The following GAB1 variants were observed in gnomAD, a reference collection of about 807,000 sequenced individuals.
GAB1 encodes GRB2 associated binding protein 1.
GAB1 carries 19 observed loss-of-function variants against 66.5 expected under a neutral mutation model. The ratio of observed to expected loss-of-function variants is 0.29; its 90% CI spans 0.20 to 0.42. The LOEUF is 0.42. Ranked by LOEUF, GAB1 falls within the 10% of genes least tolerant of loss-of-function variation. The probability of loss-of-function intolerance (pLI) is 1.00; values close to 1 mark genes in which losing one functional copy is unlikely to be tolerated. For synonymous variants in GAB1, 294 were observed against 301.4 expected, an observed-to-expected ratio of 0.98 and a Z score of 0.25; for missense variants, 732 against 858.5, an observed-to-expected ratio of 0.85 and a Z score of 1.84.
chr4:143,340,212 T>A (rs1728783250), intron 1 of GAB1, among the ~76,000 whole-genome samples: 1 of 152,210 alleles, frequency 6.6e-6, no homozygotes, highest in Non-Finnish European at 1.5e-5. Flanking sequence ...GTTTTTTTTA[T>A]GTAGAATGTT....
At chr4:143,418,429 A>G (rs1157209518) in intron 2 of GAB1, among the ~76,000 whole-genome samples, 1 of 152,218 alleles carries the variant, frequency 6.6e-6, no homozygotes, top group Non-Finnish European at 1.5e-5. Flanking sequence ...TTTAATGGTT[A>G]ACATCTAGTC....
chr4:143,337,133 G>T lies in GAB1; in HGVS notation c.-56G>T. On this transcript the variant is annotated 5_prime_UTR_variant, in exon 1 of 10. Transcript: ENST00000262994. The stretch of plus-strand genomic sequence containing the variant: ...GCGCTCGGCAGGCGTCGGCTGTGTC[G>T]GGAGCGCGCCCGCCGCCCCTCAGCT... The T allele has an allele frequency of 6.7e-7, 1 of 1,491,874 alleles. No homozygotes were observed. Among genetic ancestry groups the T allele is most frequent in the East Asian group, 2.5e-5 (1 of 40,416 alleles). 92.4% of individuals were successfully genotyped at this position (1,491,874 alleles called of 1,614,324 possible).
intron 1 of GAB1, among the ~76,000 whole-genome samples, chr4:143,375,050 G>C (rs1730352541): frequency 1.3e-5 from 2 of 152,144 alleles, no homozygotes; most frequent in South Asian, 4.1e-4. Flanking sequence ...TGGGCTCAAG[G>C]GATTCTCATG....
intron 1 of GAB1, among the ~76,000 whole-genome samples, chr4:143,385,483 A>G (rs1730855928): frequency 6.6e-6 from 1 of 152,222 alleles, no homozygotes; most frequent in Non-Finnish European, 1.5e-5. Flanking sequence ...CTCTCAGAAG[A>G]GCTCAAGGGA....
At chr4:143,392,832 A>G (rs146483794) in intron 1 of GAB1, among the ~76,000 whole-genome samples, 2 of 152,262 alleles carry the variant, frequency 1.3e-5, no homozygotes, top group East Asian at 1.9e-4. Flanking sequence ...CCCAACTACT[A>G]TCGTATATAG....
chr4:143,449,438 G>C (rs1486418371), intron 6 of GAB1, among the ~76,000 whole-genome samples: 3 of 151,716 alleles, frequency 2.0e-5, no homozygotes, highest in African/African-American at 4.8e-5. Flanking sequence ...TCTCTTTGTA[G>C]GTCACTCAGG....
intron 2 of GAB1, among the ~76,000 whole-genome samples, chr4:143,431,937 AAAAAG>A (rs1733675720): frequency 6.6e-6 from 1 of 152,222 alleles, no homozygotes; most frequent in African/African-American, 2.4e-5. Context: ...AAAACTCTGA[AAAAAG>A]AAAAAAAAAA....
intron 2 of GAB1, chr4:143,417,689 T>G (rs1312374694): frequency 1.2e-5 from 2 of 161,286 alleles, no homozygotes; most frequent in African/African-American, 2.4e-5. Context: ...ATTACAGGCA[T>G]GAGCCACCAC....
intron 1 of GAB1, among the ~76,000 whole-genome samples, chr4:143,382,957 T>C (rs1730719697): frequency 6.6e-6 from 1 of 152,222 alleles, no homozygotes; most frequent in Admixed American, 6.5e-5. Context: ...GATTTCTAGT[T>C]GACTTTGGCT....
intron 2 of GAB1, among the ~76,000 whole-genome samples, chr4:143,423,958 C>T (rs1034242488): frequency 1.3e-5 from 2 of 151,000 alleles, no homozygotes; most frequent in South Asian, 4.2e-4. Flanking sequence ...ACACTTCTGT[C>T]ATTTACAGGT....
chr4:143,420,766 A>AT (rs1732969276), intron 2 of GAB1, among the ~76,000 whole-genome samples: 1 of 152,076 alleles, frequency 6.6e-6, no homozygotes, highest in Admixed American at 6.5e-5. Context: ...TAGTGGCTTA[A>AT]TAAAAAAAAG....
rs1732635752 is a variant in GAB1 at position 143,415,545 on chromosome 4, T to C, written c.141T>C (p.Tyr47=). 1.2e-6 allele frequency: 2 copies of C among 1,613,612 alleles called. No individual in the cohort carries two copies. Among genetic ancestry groups the C allele is most frequent in the Non-Finnish European group, 1.7e-6 (2 of 1,179,582 alleles). ...RLTGDPDVLE[Y]YKNDHAKKPI... ...CTGGAGATCCAGATGTTTTGGAATA[T>C]TACAAAAATGATCATGCCAAGAAGC... Residue 47 remains tyrosine (Y), a synonymous_variant, in exon 2 of 10, where the codon TAT becomes TAC. Coordinates refer to ENST00000262994, the MANE Select transcript of GAB1 (RefSeq NM_002039.4).
At chr4:143,393,244 GA>G (rs562105348) in intron 1 of GAB1, among the ~76,000 whole-genome samples, 1 of 139,666 alleles carries the variant, frequency 7.2e-6, no homozygotes, top group African/African-American at 2.6e-5. Flanking sequence ...AAAAAAAAAA[GA>G]AAAAAAAAGA....
chr4:143,397,902 C>T (rs1731532349), intron 1 of GAB1, among the ~76,000 whole-genome samples: 1 of 152,164 alleles, frequency 6.6e-6, no homozygotes, highest in South Asian at 2.1e-4. Flanking sequence ...TTTATTCTGT[C>T]TTCCTTGATA....
chr4:143,389,891 ACT>A (rs1473969495), intron 1 of GAB1, among the ~76,000 whole-genome samples: 4 of 151,974 alleles, frequency 2.6e-5, no homozygotes, highest in African/African-American at 7.3e-5. Flanking sequence ...TCCTCACTTG[ACT>A]CTGCCAGCCC....
At chr4:143,396,977 A>G (rs1731486659) in intron 1 of GAB1, among the ~76,000 whole-genome samples, 2 of 152,162 alleles carry the variant, frequency 1.3e-5, no homozygotes, top group Non-Finnish European at 1.5e-5. Flanking sequence ...GGGAGGGGTA[A>G]GAGAAGAATA....
At chr4:143,463,622 C>CAAA (rs76973454) in intron 8 of GAB1, among the ~76,000 whole-genome samples, 2 of 66,320 alleles carry the variant, frequency 3.0e-5, no homozygotes, top group Admixed American at 1.8e-4. Context: ...GACTCCATCT[C>CAAA]AAAAAAAAAA....
chr4:143,399,999 C>T (rs1372094999), intron 1 of GAB1, among the ~76,000 whole-genome samples: 13 of 148,010 alleles, frequency 8.8e-5, no homozygotes, highest in Admixed American at 7.5e-4. Flanking sequence ...AGTGCAGTGG[C>T]GCAATCTTGG....
chr4:143,407,130 A>G (rs1282683731), intron 1 of GAB1, among the ~76,000 whole-genome samples: 1 of 152,168 alleles, frequency 6.6e-6, no homozygotes, highest in Non-Finnish European at 1.5e-5. Context: ...TTGAAACTAT[A>G]CAATATTACC....
Sources: gnomAD v4.1 joint callset for allele counts (sites outside exome capture counted in the v4.1 genomes callset) on GRCh38, gnomAD v4.1.1 for gene constraint, MANE v1.5 for transcripts, NCBI Gene and HGNC (gene_info 2026-07-23, HGNC 2026-07-21) for gene names.